GPR158: variants seen among roughly 807,000 people sequenced by gnomAD.
The protein encoded by GPR158 is G protein-coupled receptor 158.
A neutral mutation model predicts 78.2 loss-of-function variants in GPR158; 30 were observed. The ratio of observed to expected loss-of-function variants is 0.38; its 90% CI spans 0.29 to 0.52. GPR158 has a LOEUF of 0.52. Ranked by LOEUF, GPR158 falls within the 20% of genes least tolerant of loss-of-function variation. GPR158 has a pLI of 0.83. For missense variants in GPR158, 1,463 were observed against 1,523.5 expected (o/e 0.96, Z 0.66); for synonymous variants, 581 against 591.1 (o/e 0.98, Z 0.25).
chr10:25,482,158 C>T (rs1053230675), intron 5 of GPR158, among the ~76,000 whole-genome samples: 3 of 152,066 alleles, frequency 2.0e-5, no homozygotes, highest in African/African-American at 7.2e-5. Flanking sequence ...TTCCCTAGTT[C>T]TGCTTTGGCC....
chr10:25,337,005 A>G (rs1384814072), intron 2 of GPR158, among the ~76,000 whole-genome samples: 1 of 151,072 alleles, frequency 6.6e-6, no homozygotes, highest in Non-Finnish European at 1.5e-5. Flanking sequence ...ATGCAAATGG[A>G]AAAATAAGTA....
chr10:25,301,561 T>C (rs1854594154), intron 2 of GPR158, among the ~76,000 whole-genome samples: 1 of 152,118 alleles, frequency 6.6e-6, no homozygotes, highest in African/African-American at 2.4e-5. Context: ...ATAAATTATA[T>C]TGTGTGTGTT....
intron 5 of GPR158, among the ~76,000 whole-genome samples, chr10:25,520,794 A>T (rs749322056): frequency 9.2e-5 from 14 of 151,908 alleles, no homozygotes; most frequent in Non-Finnish European, 1.6e-4. Flanking sequence ...AGACAGGGAC[A>T]GCAGAGGTTA....
chr10:25,181,805 C>A (rs896989379), intron 1 of GPR158, among the ~76,000 whole-genome samples: 1 of 152,106 alleles, frequency 6.6e-6, no homozygotes, highest in Non-Finnish European at 1.5e-5. Flanking sequence ...GCATCCTCAA[C>A]CTCCCAGGCT....
chr10:25,411,665 G>T (rs2130548259), intron 3 of GPR158, among the ~76,000 whole-genome samples: 1 of 152,176 alleles, frequency 6.6e-6, no homozygotes, highest in Non-Finnish European at 1.5e-5. Flanking sequence ...GCCAGGTGCG[G>T]TGGCTCACAC....
At chr10:25,355,103 GT>G (rs1314790988) in intron 2 of GPR158, among the ~76,000 whole-genome samples, 2 of 152,014 alleles carry the variant, frequency 1.3e-5, no homozygotes, top group African/African-American at 4.8e-5. Flanking sequence ...CCTTTCCCAA[GT>G]TTTGGAAAGT....
intron 1 of GPR158, among the ~76,000 whole-genome samples, chr10:25,214,338 C>T (rs1044854040): frequency 1.3e-5 from 2 of 152,072 alleles, no homozygotes; most frequent in Non-Finnish European, 2.9e-5. Context: ...AACTAGTTTT[C>T]TATAACTAGA....
chr10:25,363,260 C>T (rs775096354), intron 2 of GPR158, among the ~76,000 whole-genome samples: 4 of 151,892 alleles, frequency 2.6e-5, no homozygotes, highest in Non-Finnish European at 5.9e-5. Context: ...ATTTTGTTAT[C>T]ACTAGCTGAT....
chr10:25,421,220 A>G (rs1196724438), intron 4 of GPR158, among the ~76,000 whole-genome samples: 1 of 152,148 alleles, frequency 6.6e-6, no homozygotes, highest in African/African-American at 2.4e-5. Flanking sequence ...CACTTTTTAT[A>G]AATAGGTTTT....
chr10:25,262,632 C>T (rs544959549), intron 2 of GPR158, among the ~76,000 whole-genome samples: 2 of 151,844 alleles, frequency 1.3e-5, no homozygotes, highest in Non-Finnish European at 2.9e-5. Flanking sequence ...TCCTATATAC[C>T]CTCTATCCCT....
At chr10:25,524,455 T>C (rs923213216) in intron 5 of GPR158, among the ~76,000 whole-genome samples, 1 of 152,238 alleles carries the variant, frequency 6.6e-6, no homozygotes, top group African/African-American at 2.4e-5. Flanking sequence ...TGAAGATCAA[T>C]GGAATAAAAT....
At chr10:25,475,025 G>A (rs1019136645) in intron 5 of GPR158, among the ~76,000 whole-genome samples, 1 of 152,126 alleles carries the variant, frequency 6.6e-6, no homozygotes, top group African/African-American at 2.4e-5. Context: ...CCTATAATCT[G>A]TAGAAGAATT....
intron 6 of GPR158, among the ~76,000 whole-genome samples, chr10:25,564,758 T>C (rs1369182539): frequency 6.6e-6 from 1 of 152,160 alleles, no homozygotes; most frequent in Non-Finnish European, 1.5e-5. Context: ...CAGATTCAGC[T>C]GTTTTTGTTT....
At chr10:25,321,126 A>G (rs1417459037) in intron 2 of GPR158, among the ~76,000 whole-genome samples, 2 of 152,184 alleles carry the variant, frequency 1.3e-5, no homozygotes, top group Admixed American at 1.3e-4. Flanking sequence ...AGTTTCCTCA[A>G]TTGCAAAATT....
At chr10:25,267,671 C>T (rs1854061022) in intron 2 of GPR158, among the ~76,000 whole-genome samples, 1 of 152,044 alleles carries the variant, frequency 6.6e-6, no homozygotes, top group African/African-American at 2.4e-5. Context: ...ACAAATGTGC[C>T]TTCTAATTTG....
At chr10:25,575,592 A>G (rs1837081503) in intron 7 of GPR158, among the ~76,000 whole-genome samples, 1 of 152,212 alleles carries the variant, frequency 6.6e-6, no homozygotes. Flanking sequence ...TCTAAAGTAC[A>G]GAACTGCTGA....
intron 2 of GPR158, among the ~76,000 whole-genome samples, chr10:25,275,393 T>C (rs1020597894): frequency 1.3e-5 from 2 of 152,344 alleles, no homozygotes; most frequent in African/African-American, 4.8e-5. Context: ...ATCCTTTTCC[T>C]TTTATAATTG....
At chr10:25,232,688 A>T (rs1402046868) in intron 2 of GPR158, among the ~76,000 whole-genome samples, 1 of 152,106 alleles carries the variant, frequency 6.6e-6, no homozygotes, top group Non-Finnish European at 1.5e-5. Flanking sequence ...GTGGGTGTTG[A>T]TGATACAAGC....
intron 1 of GPR158, among the ~76,000 whole-genome samples, chr10:25,209,440 T>C (rs919734252): frequency 2.0e-5 from 3 of 146,422 alleles, no homozygotes; most frequent in African/African-American, 5.2e-5. Flanking sequence ...AATGAGTAAA[T>C]TGTATCTTTA....
Sources: allele counts gnomAD v4.1 joint callset (sites outside exome capture counted in the v4.1 genomes callset), GRCh38; gene constraint gnomAD v4.1.1; transcripts MANE v1.5; gene names NCBI Gene and HGNC (gene_info 2026-07-23, HGNC 2026-07-21).